The following ZDHHC15 variants were observed in gnomAD, a reference collection of about 807,000 sequenced individuals.
ZDHHC15 encodes palmitoyltransferase ZDHHC15.
In ZDHHC15, 19 loss-of-function variants were observed where a neutral mutation model predicts 31.7. The observed-to-expected ratio is 0.60, with a 90% CI of 0.42 to 0.88. The LOEUF is 0.88. Among genes scored for constraint, ZDHHC15 ranks in the 40% least tolerant of loss-of-function variants. The pLI, the probability that ZDHHC15 is intolerant of heterozygous loss-of-function variation, is 0.00. For missense variants in ZDHHC15, 209 were observed against 251.2 expected, an observed-to-expected ratio of 0.83 and a Z score of 1.14; for synonymous variants, 103 against 90.0, an observed-to-expected ratio of 1.14 and a Z score of -0.82.
chrX:75,443,601 G>A (rs752179696), intron 4 of ZDHHC15, among the ~76,000 whole-genome samples: 1 of 112,037 alleles, frequency 8.9e-6, no homozygotes, highest in South Asian at 3.7e-4. Flanking sequence ...TGGCACAAAA[G>A]CCAAAATTGA....
chrX:75,472,687 C>T (rs771018338), intron 3 of ZDHHC15, among the ~76,000 whole-genome samples: 1 of 112,087 alleles, frequency 8.9e-6, no homozygotes, highest in Admixed American at 9.4e-5. Context: ...CATCACTCAG[C>T]CTCTTTCCCC....
At chrX:75,477,032 G>C (rs2084616299) in intron 3 of ZDHHC15, among the ~76,000 whole-genome samples, 1 of 110,529 alleles carries the variant, frequency 9.0e-6, no homozygotes, top group African/African-American at 3.3e-5. Flanking sequence ...ATTTTTTTCT[G>C]AGCACTGCTT....
intron 2 of ZDHHC15, among the ~76,000 whole-genome samples, chrX:75,485,767 C>T (rs192948170): frequency 2.7e-5 from 3 of 112,335 alleles, no homozygotes; most frequent in East Asian, 5.6e-4. Flanking sequence ...ACTACCAAAG[C>T]TCACTCCATC....
chrX:75,465,991 A>G (rs938723269), intron 3 of ZDHHC15, among the ~76,000 whole-genome samples: 6 of 111,901 alleles, frequency 5.4e-5, no homozygotes, highest in Non-Finnish European at 1.1e-4. Flanking sequence ...AGAAACCATC[A>G]TCAGAGTGAA....
chrX:75,379,264 C>T, intron 10 of ZDHHC15, 66 bp from the exon 11 acceptor site: 1 of 1,128,726 alleles, frequency 8.9e-7, no homozygotes, highest in Non-Finnish European at 1.2e-6. Context: ...TATTCATTCA[C>T]TGGCAGTTTT....
chrX:75,418,486 G>C (rs1295963861), intron 9 of ZDHHC15, among the ~76,000 whole-genome samples: 1 of 112,032 alleles, frequency 8.9e-6, no homozygotes, highest in Non-Finnish European at 1.9e-5. Context: ...ACACAAGCTT[G>C]ACTGTTTATT....
intron 7 of ZDHHC15, among the ~76,000 whole-genome samples, chrX:75,427,557 C>G (rs1438148917): frequency 9.0e-6 from 1 of 110,800 alleles, no homozygotes; most frequent in East Asian, 2.8e-4. Context: ...TGTTAAGAAC[C>G]AAGAAAGGTC....
At position 75,518,792 on chromosome X, in the gene ZDHHC15, TATATATATATATATACACAC is replaced by T. The variant is rs1261478569; in HGVS notation, c.136+4077_136+4096del. 5.8e-3 allele frequency among the ~76,000 whole-genome samples: 151 copies of T among 26,205 alleles called. 1 individual carries two copies. The highest frequency in any genetic ancestry group is 0.015 in the African/African-American group (140 of 9,144). 22.8% of individuals were successfully genotyped at this position (26,205 alleles called of 115,157 possible). A position where few individuals can be genotyped will look rare whatever the true frequency, so the allele number is the denominator to read the frequency against. On this transcript the variant is annotated intron_variant, in intron 1 of 11. Transcript: ENST00000373367. ...TGGTATATATATATATATATATATA[TATATATATATATATACACAC>T]ACACACACACACACACACACACACA... is the stretch of plus-strand genomic sequence containing the variant.
intron 2 of ZDHHC15, among the ~76,000 whole-genome samples, chrX:75,497,963 T>C (rs1170425245): frequency 1.9e-5 from 2 of 107,009 alleles, no homozygotes; most frequent in Non-Finnish European, 3.9e-5. Context: ...GACAGTGTTT[T>C]GCTCTTGTTG....
chrX:75,462,031 G>A (rs1385312730), intron 3 of ZDHHC15, among the ~76,000 whole-genome samples: 1 of 111,693 alleles, frequency 9.0e-6, no homozygotes, highest in Admixed American at 9.5e-5. Flanking sequence ...GTCTTCAAGA[G>A]ACCATCTCAA....
intron 10 of ZDHHC15, among the ~76,000 whole-genome samples, chrX:75,402,131 T>C (rs1423964388): frequency 8.9e-6 from 1 of 112,356 alleles, no homozygotes; most frequent in African/African-American, 3.2e-5. Context: ...AACATGCTCC[T>C]GAATGACTTT....
In ZDHHC15 at chrX:75,373,926, G is replaced by GTTTTTTTTTTTTTTTTTTTTTTT. The variant is rs35704680; in HGVS notation, c.*33-982_*33-981insAAAAAAAAAAAAAAAAAAAAAAA. 1.2e-4 allele frequency among the ~76,000 whole-genome samples: 6 copies of GTTTTTTTTTTTTTTTTTTTTTTT among 50,458 alleles called. 2 individuals carry two copies. The highest frequency in any genetic ancestry group is 1.4e-4 in the Non-Finnish European group (4 of 29,379). The allele number at this position is 50,458 out of a possible 115,157, so 43.8% of individuals were successfully genotyped here. A position where few individuals can be genotyped will look rare whatever the true frequency, so the allele number is the denominator to read the frequency against. On this transcript the variant is annotated intron_variant, in intron 11 of 11. Transcript: ENST00000373367. ...ATACTAGGTCTTATTCATTCTTTCTGTTTTTTTTTTTTTTTTTTTTTTGTA... is the reference window on the plus strand; with the variant it reads ...ATACTAGGTCTTATTCATTCTTTCTGTTTTTTTTTTTTTTTTTTTTTTTTTTTTTTTTTTTTTTTTTTTTTGTA...
chrX:75,457,247 T>C (rs2147927647), intron 3 of ZDHHC15, among the ~76,000 whole-genome samples: 1 of 111,541 alleles, frequency 9.0e-6, no homozygotes, highest in South Asian at 3.8e-4. Flanking sequence ...CTAATGATAT[T>C]GAGCACCTTT....
chrX:75,427,494 AT>A (rs2083728515), intron 7 of ZDHHC15, among the ~76,000 whole-genome samples: 1 of 111,437 alleles, frequency 9.0e-6, no homozygotes, highest in Non-Finnish European at 1.9e-5. Context: ...GAAATGTAAT[AT>A]TGTTTATTTT....
intron 3 of ZDHHC15, among the ~76,000 whole-genome samples, chrX:75,460,462 C>G (rs967717280): frequency 1.8e-5 from 2 of 111,241 alleles, no homozygotes; most frequent in African/African-American, 6.5e-5. Flanking sequence ...TAAGTGGGTC[C>G]CTGTTTCCAC....
chrX:75,373,926 G>GTTT lies in ZDHHC15; in HGVS notation c.*33-984_*33-982dup, dbSNP rs35704680. Among the ~76,000 whole-genome samples the GTTT allele has an allele frequency of 2.5e-3, 126 of 50,420 alleles. 5 individuals carry two copies. Among genetic ancestry groups the GTTT allele is most frequent in the African/African-American group, 8.4e-3 (110 of 13,152 alleles). The allele number at this position is 50,420 out of a possible 115,157, so 43.8% of individuals were successfully genotyped here. Reference sequence around the variant, plus strand: ...ATACTAGGTCTTATTCATTCTTTCTGTTTTTTTTTTTTTTTTTTTTTTGTA... The same window carrying GTTT: ...ATACTAGGTCTTATTCATTCTTTCTGTTTTTTTTTTTTTTTTTTTTTTTTTGTA... On this transcript the variant is annotated intron_variant, in intron 11 of 11. Transcript: ENST00000373367.
intron 10 of ZDHHC15, among the ~76,000 whole-genome samples, chrX:75,379,547 C>T (rs2083093618): frequency 8.9e-6 from 1 of 111,805 alleles, no homozygotes; most frequent in African/African-American, 3.3e-5. Context: ...GTTATTCCAC[C>T]GGACATAATT....
chrX:75,451,463 T>C (rs1385019708), intron 3 of ZDHHC15, among the ~76,000 whole-genome samples: 2 of 112,443 alleles, frequency 1.8e-5, no homozygotes, highest in Admixed American at 9.5e-5. Flanking sequence ...TTGAATACTT[T>C]TTTAGTCTCG....
At chrX:75,516,995 A>G (rs1029704594) in intron 1 of ZDHHC15, among the ~76,000 whole-genome samples, 7 of 112,563 alleles carry the variant, frequency 6.2e-5, no homozygotes, top group Non-Finnish European at 1.3e-4. Context: ...AATGCTCATC[A>G]TCACTGGCCA....
Sources: gnomAD v4.1 joint callset for allele counts (sites outside exome capture counted in the v4.1 genomes callset) on GRCh38, gnomAD v4.1.1 for gene constraint, MANE v1.5 for transcripts, NCBI Gene and HGNC (gene_info 2026-07-23, HGNC 2026-07-21) for gene names.